Variants in DMD observed in about 807,000 individuals in gnomAD.
DMD encodes the protein dystrophin, also known as mutant dystrophin.
A neutral mutation model predicts 330.1 loss-of-function variants in DMD; 63 were observed. The ratio of observed to expected loss-of-function variants is 0.19; its 90% CI spans 0.16 to 0.24. The LOEUF is 0.24. Among genes scored for constraint, DMD ranks in the 10% least tolerant of loss-of-function variants. The pLI is 1.00. For synonymous variants in DMD, 1,223 were observed against 959.8 expected (o/e 1.27, Z -5.07); for missense variants, 3,344 against 2,684.1 (o/e 1.25, Z -5.43).
chrX:32,442,470 T>C (rs980743455), intron 27 of DMD, among the ~76,000 whole-genome samples: 1 of 111,306 alleles, frequency 9.0e-6, no homozygotes, highest in Non-Finnish European at 1.9e-5. Flanking sequence ...ACCATGTTGA[T>C]TGACACAAAT....
chrX:33,088,731 T>C (rs1331472240), intron 1 of DMD, among the ~76,000 whole-genome samples: 1 of 112,123 alleles, frequency 8.9e-6, no homozygotes, highest in Non-Finnish European at 1.9e-5. Context: ...TTAAATATTT[T>C]TATAATTCTG....
chrX:32,707,877 T>A (rs1449987753), intron 7 of DMD, among the ~76,000 whole-genome samples: 1 of 111,704 alleles, frequency 9.0e-6, no homozygotes, highest in African/African-American at 3.3e-5. Flanking sequence ...CTATTAGGGT[T>A]TACATTTGAG....
rs775679265 is a variant in DMD, at chrX:32,573,599, T to C, written c.1743A>G (p.Ala581=). Residue 581 remains alanine, a synonymous_variant, in exon 15 of 79, where the codon GCA becomes GCG. Coordinates refer to ENST00000357033, the MANE Select transcript of DMD (RefSeq NM_004006.3). ...FSAWLSEKED[A]VNKIHTTGFK... ...AGCCAGTTGTGTGAATCTTGTTCAC[T>C]GCATCTTCTTTTTCTGAAAGCCATG... is the stretch of plus-strand genomic sequence containing the variant. The C allele has an allele frequency of 4.1e-6, 5 of 1,211,904 alleles. No individual in the cohort carries two copies. The highest frequency in any genetic ancestry group is 5.6e-6 in the Non-Finnish European group (5 of 895,347).
chrX:32,682,593 G>C (rs938299529), intron 9 of DMD, among the ~76,000 whole-genome samples: 2 of 111,422 alleles, frequency 1.8e-5, no homozygotes, highest in Non-Finnish European at 3.8e-5. Flanking sequence ...TGCTTGAAGA[G>C]TTCATATCAA....
chrX:32,915,721 A>T (rs1013933832), intron 2 of DMD, among the ~76,000 whole-genome samples: 3 of 112,248 alleles, frequency 2.7e-5, no homozygotes, highest in African/African-American at 9.7e-5. Context: ...AAGTCTTCTT[A>T]TTCTCATTTC....
chrX:32,945,674 A>G (rs1239030407), intron 2 of DMD, among the ~76,000 whole-genome samples: 1 of 111,588 alleles, frequency 9.0e-6, no homozygotes, highest in East Asian at 2.8e-4. Context: ...ATGCTTATAA[A>G]CTATCATCTA....
chrX:31,313,461 A>C (rs188795285), intron 62 of DMD, among the ~76,000 whole-genome samples: 1 of 112,204 alleles, frequency 8.9e-6, no homozygotes, highest in Non-Finnish European at 1.9e-5. Flanking sequence ...TCAATCAAAA[A>C]CATTAGAAAG....
intron 13 of DMD, among the ~76,000 whole-genome samples, chrX:32,588,387 A>G (rs1050238044): frequency 7.1e-5 from 8 of 111,927 alleles, no homozygotes; most frequent in African/African-American, 2.6e-4. Context: ...ATCAAAGCAG[A>G]TCTTATGAAG....
At chrX:32,187,680 G>T (rs1036669052) in intron 44 of DMD, among the ~76,000 whole-genome samples, 22 of 111,000 alleles carry the variant, frequency 2.0e-4, no homozygotes, top group African/African-American at 5.9e-4. Flanking sequence ...AAGCCTCCAA[G>T]AAACAAAGAA....
chrX:31,198,272 T>G (rs983900036), intron 67 of DMD, among the ~76,000 whole-genome samples: 2 of 111,884 alleles, frequency 1.8e-5, no homozygotes, highest in African/African-American at 6.5e-5. Context: ...TAGTGACTAT[T>G]CACAGGTGCA....
At chrX:31,317,252 C>G (rs956104428) in intron 62 of DMD, among the ~76,000 whole-genome samples, 1 of 111,607 alleles carries the variant, frequency 9.0e-6, no homozygotes, top group African/African-American at 3.3e-5. Context: ...AAAGCTGGAA[C>G]TAGAATTCAA....
chrX:31,254,076 A>C (rs1387408443), intron 63 of DMD, among the ~76,000 whole-genome samples: 2 of 112,254 alleles, frequency 1.8e-5, no homozygotes, highest in African/African-American at 6.5e-5. Context: ...AGAGGGCTTC[A>C]ATGAAGGAAA....
At chrX:32,198,902 C>T (rs1394624000) in intron 44 of DMD, among the ~76,000 whole-genome samples, 1 of 112,232 alleles carries the variant, frequency 8.9e-6, no homozygotes, top group Non-Finnish European at 1.9e-5. Context: ...CTTAGGTATG[C>T]AAGACGTTAC....
At chrX:32,925,145 GTTTTTTTTTT>G (rs777224221) in intron 2 of DMD, among the ~76,000 whole-genome samples, 1,031 of 48,521 alleles carry the variant, frequency 0.021, 26 homozygotes, top group African/African-American at 0.078. Context: ...AAAACTCTGG[GTTTTTTTTTT>G]TTTTTTTTTT....
chrX:31,743,780 C>T (rs1476684275), intron 51 of DMD, among the ~76,000 whole-genome samples: 1 of 111,455 alleles, frequency 9.0e-6, no homozygotes, highest in African/African-American at 3.3e-5. Flanking sequence ...CTCCAAACCT[C>T]GGCATCATGT....
intron 16 of DMD, among the ~76,000 whole-genome samples, chrX:32,558,942 T>TTTTTTTTTTTTTC (rs1569199509): frequency 3.4e-5 from 1 of 29,494 alleles, no homozygotes; most frequent in African/African-American, 1.4e-4. Flanking sequence ...AATTTTCTTT[T>TTTTTTTTTTTTTC]TTTTTTTTTT....
Position 31,182,876 on chromosome X carries a change from G to C in DMD, c.9836C>G (p.Ala3279Gly), listed in dbSNP as rs775970440. 8.3e-7 allele frequency: 1 copy of C among 1,206,379 alleles called. No homozygotes were observed. Among genetic ancestry groups the C allele is most frequent in the Admixed American group, 2.2e-5 (1 of 45,187 alleles). Residue 3279 changes from alanine (A) to glycine (G), a missense_variant, in exon 68 of 79, where the codon GCC becomes GGC. Coordinates refer to ENST00000357033, the MANE Select transcript of DMD (RefSeq NM_004006.3). ...CAGTCTCATCCAGTCTAGGAAGAGGGCCGCTTCGATCTCTGGCTTATTATT... is the reference window on the plus strand; with the variant it reads ...CAGTCTCATCCAGTCTAGGAAGAGGCCCGCTTCGATCTCTGGCTTATTATT... ...FANNKPEIEA[A>G]LFLDWMRLEP...
At chrX:32,618,042 A>G (rs2057713198) in intron 11 of DMD, among the ~76,000 whole-genome samples, 1 of 112,034 alleles carries the variant, frequency 8.9e-6, no homozygotes, top group Admixed American at 9.5e-5. Context: ...TGCAAAGAAA[A>G]GGGAACACTT....
chrX:31,140,587 TTC>T (rs2035922965), intron 76 of DMD, among the ~76,000 whole-genome samples: 1 of 112,228 alleles, frequency 8.9e-6, no homozygotes, highest in Non-Finnish European at 1.9e-5. Context: ...CACACATAAA[TTC>T]TGTGTGTAAC....
Sources: allele counts gnomAD v4.1 joint callset (sites outside exome capture counted in the v4.1 genomes callset), GRCh38; gene constraint gnomAD v4.1.1; transcripts MANE v1.5; gene names NCBI Gene and HGNC (gene_info 2026-07-23, HGNC 2026-07-21).